The following STX5 variants were observed in gnomAD, a reference collection of about 807,000 sequenced individuals.
STX5 encodes the protein syntaxin 5.
A neutral mutation model predicts 42.9 loss-of-function variants in STX5; 15 were observed. That is an observed-to-expected ratio of 0.35 (90% CI 0.23 to 0.54). The LOEUF (loss-of-function observed/expected upper bound fraction) is 0.54. Ranked by LOEUF, STX5 falls within the 20% of genes least tolerant of loss-of-function variation. The probability of loss-of-function intolerance (pLI) is 0.91; values close to 1 mark genes in which losing one functional copy is unlikely to be tolerated. For missense variants in STX5, 430 were observed against 455.0 expected (o/e 0.95, Z 0.50); for synonymous variants, 184 against 173.2 (o/e 1.06, Z -0.49).
At chr11:62,809,528 G>A (rs2084591866) in intron 10 of STX5, among the ~76,000 whole-genome samples, 2 of 150,762 alleles carry the variant, frequency 1.3e-5, no homozygotes, top group South Asian at 4.2e-4. Flanking sequence ...CAAAAAATTA[G>A]CCAGGCGTGG....
At chr11:62,814,770 T>C (rs1434441395) in intron 10 of STX5, among the ~76,000 whole-genome samples, 2 of 151,842 alleles carry the variant, frequency 1.3e-5, no homozygotes, top group African/African-American at 4.8e-5. Flanking sequence ...AATTTTGTGT[T>C]TTTAGTAGAA....
rs1249266107 is a variant in STX5, at chr11:62,807,808, A to G, written c.909-180T>C. The G allele has an allele frequency of 5.2e-6, 6 of 1,161,252 alleles. No homozygotes were observed. In the South Asian group the frequency reaches 8.6e-5, roughly 17 times the overall value. 71.9% of individuals were successfully genotyped at this position (1,161,252 alleles called of 1,614,324 possible). ...CAAGTTATTTCTGGTTTGAAAACCA[A>G]CTCTGCCATTTATTAGCTTAAGACT... On this transcript the variant is annotated intron_variant, in intron 10 of 10. Coordinates refer to ENST00000294179, the MANE Select transcript of STX5 (RefSeq NM_003164.5).
At chr11:62,828,885 T>C (rs947981115) in intron 2 of STX5, among the ~76,000 whole-genome samples, 16 of 151,668 alleles carry the variant, frequency 1.1e-4, no homozygotes, top group Non-Finnish European at 2.4e-4. Context: ...GCGAACACAG[T>C]GAAACCCCGT....
chr11:62,822,946 C>T (rs1465577176), intron 10 of STX5, among the ~76,000 whole-genome samples: 1 of 152,108 alleles, frequency 6.6e-6, no homozygotes, highest in Non-Finnish European at 1.5e-5. Flanking sequence ...CTCCAGTACA[C>T]CCTGTACTTC....
At chr11:62,818,360 C>G (rs1298037307) in intron 10 of STX5, among the ~76,000 whole-genome samples, 2 of 151,140 alleles carry the variant, frequency 1.3e-5, no homozygotes, top group Non-Finnish European at 2.9e-5. Context: ...AGTTCAAAAC[C>G]AGCCTGGCCA....
Position 62,825,090 on chromosome 11 carries a change from C to A in STX5, c.625G>T (p.Glu209Ter). The A allele has an allele frequency of 6.2e-7, 1 of 1,613,786 alleles. No homozygotes were observed. The highest frequency in any genetic ancestry group is 8.5e-7 in the Non-Finnish European group (1 of 1,180,036). The change falls in exon 8 of 11, where the codon GAG (glutamate) becomes TAG (stop). Residue 209 changes from glutamate (E) to a stop codon, truncating the protein, a stop_gained. Transcript: ENST00000294179. LOFTEE classifies it high-confidence loss of function. ...GACACAGGTGCCCGGGAGAACTGCTCTCTCCGGCTCCTCTGCTGCTTCAGG... is the reference window on the plus strand; with the variant it reads ...GACACAGGTGCCCGGGAGAACTGCTATCTCCGGCTCCTCTGCTGCTTCAGG... ...ENLKQQRSRR[E>*]QFSRAPVSAL... is the part of the protein sequence containing the mutation.
At chr11:62,807,708 G>T in intron 10 of STX5, 80 bp from the exon 11 acceptor site, 1 of 1,570,476 alleles carries the variant, frequency 6.4e-7, no homozygotes, top group East Asian at 2.3e-5. Flanking sequence ...TTATTGACAT[G>T]GAAAGATGGT....
In STX5 at chr11:62,830,280, T is replaced by C. The variant is rs541550607; in HGVS notation, c.225+739A>G. On this transcript the variant is annotated intron_variant, in intron 2 of 10. Transcript: ENST00000294179. ...CCTCCCAAAGTGCTGGAATTACAGGTATGAGCCACCACATCCAACCCTAAG... is the reference window on the plus strand; with the variant it reads ...CCTCCCAAAGTGCTGGAATTACAGGCATGAGCCACCACATCCAACCCTAAG... The C allele has an allele frequency of 6.9e-4, 154 of 223,260 alleles. 3 individuals carry two copies. Among genetic ancestry groups the C allele is most frequent in the South Asian group, 2.9e-3 (56 of 19,566 alleles). The allele number at this position is 223,260 out of a possible 1,614,324, so 13.8% of individuals were successfully genotyped here. A position where few individuals can be genotyped will look rare whatever the true frequency, so the allele number is the denominator to read the frequency against.
chr11:62,820,577 C>T (rs1041022475), intron 10 of STX5, among the ~76,000 whole-genome samples: 18 of 148,938 alleles, frequency 1.2e-4, no homozygotes, highest in Admixed American at 6.7e-5. Flanking sequence ...AGGGCAGTGG[C>T]GCGATCTCAG....
At chr11:62,827,706 T>C in intron 2 of STX5, 75 bp from the exon 3 acceptor site, 1 of 1,473,116 alleles carries the variant, frequency 6.8e-7, no homozygotes. Context: ...TCCTGAGGTG[T>C]CCACTAACCT....
chr11:62,823,040 C>G (rs2084756468), intron 10 of STX5, among the ~76,000 whole-genome samples: 1 of 152,178 alleles, frequency 6.6e-6, no homozygotes, highest in South Asian at 2.1e-4. Flanking sequence ...AGGCTTTGCT[C>G]TAGCTGTCTC....
At position 62,831,091 on chromosome 11, in the gene STX5, A is replaced by T; in HGVS notation, c.153T>A (p.Pro51=). ...LPPPVTLVPP[P]PDTMSCRDRT... ...GATCCCGGCAGGACATGGTGTCGGG[A>T]GGGGGAGGGACGAGGGTCACTGGGG... Residue 51 remains proline (P), a synonymous_variant, in exon 2 of 11, where the codon CCT becomes CCA. Coordinates refer to ENST00000294179, the MANE Select transcript of STX5 (RefSeq NM_003164.5). 3 of 1,439,882 alleles carry T rather than the reference A, an allele frequency of 2.1e-6. No individual in the cohort carries two copies. Among genetic ancestry groups the T allele is most frequent in the Non-Finnish European group, 2.8e-6 (3 of 1,077,336 alleles). 89.2% of individuals were successfully genotyped at this position (1,439,882 alleles called of 1,614,324 possible).
rs186941744 is a variant in STX5 at position 62,822,556 on chromosome 11, T to A, written c.908+1610A>T. ...CAAACATATTGTCACCTGCGGGCCT[T>A]TGCCAGGGTCTATGTAGCTAATTTC... is the stretch of plus-strand genomic sequence containing the variant. On this transcript the variant is annotated intron_variant, in intron 10 of 10. Transcript: ENST00000294179. 2.0e-5 allele frequency among the ~76,000 whole-genome samples: 3 copies of A among 152,248 alleles called. No individual in the cohort carries two copies. The East Asian group carries it at 5.8e-4, about 29-fold the overall frequency.
In STX5 at chr11:62,825,495, G is replaced by A. The variant is rs146258093; in HGVS notation, c.468C>T (p.Phe156=). 195 of 1,613,806 alleles carry A rather than the reference G, an allele frequency of 1.2e-4. No homozygotes were observed. Among genetic ancestry groups the A allele is most frequent in the Non-Finnish European group, 1.6e-4 (191 of 1,180,052 alleles). Residue 156 remains phenylalanine, a synonymous_variant, in exon 6 of 11, where the codon TTC becomes TTT. Transcript: ENST00000294179. ...LNKQIAQLQD[F]VRAKGSQSGR... Reference sequence around the variant, plus strand: ...CACTCTGGCTGCCCTTGGCTCTCACGAAATCCTGGAGCTGAGCAATTTGTT... The same window carrying A: ...CACTCTGGCTGCCCTTGGCTCTCACAAAATCCTGGAGCTGAGCAATTTGTT...
chr11:62,807,837 A>C (rs972365166), intron 10 of STX5: 3 of 883,986 alleles, frequency 3.4e-6, no homozygotes, highest in Non-Finnish European at 4.9e-6. Flanking sequence ...TAAGACTCTA[A>C]GTTAGTCTAA....
chr11:62,815,169 A>G (rs776907410), intron 10 of STX5, among the ~76,000 whole-genome samples: 2 of 151,700 alleles, frequency 1.3e-5, no homozygotes, highest in Non-Finnish European at 1.5e-5. Context: ...CACCACGCCC[A>G]GTTAATTTTT....
chr11:62,829,061 AAAAC>A (rs199811303), intron 2 of STX5, among the ~76,000 whole-genome samples: 6,740 of 150,894 alleles, frequency 0.045, 373 homozygotes, highest in African/African-American at 0.14. Flanking sequence ...GACTGTCTCA[AAAAC>A]AAACAAACAA....
intron 2 of STX5, 75 bp from the exon 3 acceptor site, chr11:62,827,706 TC>T: frequency 6.8e-7 from 1 of 1,473,114 alleles, no homozygotes. Flanking sequence ...TCCTGAGGTG[TC>T]CACTAACCTA....
chr11:62,808,476 A>T (rs1186433945), intron 10 of STX5, among the ~76,000 whole-genome samples: 1 of 151,050 alleles, frequency 6.6e-6, no homozygotes, highest in Non-Finnish European at 1.5e-5. Context: ...TATGGACCCT[A>T]GTTTTGGCCA....
Sources: allele counts gnomAD v4.1 joint callset (sites outside exome capture counted in the v4.1 genomes callset), GRCh38; gene constraint gnomAD v4.1.1; transcripts MANE v1.5; gene names NCBI Gene and HGNC (gene_info 2026-07-23, HGNC 2026-07-21).